Variants in ABCC4 observed in about 807,000 individuals in gnomAD.
The protein encoded by ABCC4 is ATP binding cassette subfamily C member 4 (PEL blood group), also known as ATP-binding cassette sub-family C member 4.
A neutral mutation model predicts 168.5 loss-of-function variants in ABCC4; 102 were observed. The observed-to-expected ratio is 0.61, with a 90% CI of 0.52 to 0.71. The LOEUF is 0.71. ABCC4 is among the 30% of genes least tolerant of loss of function. The pLI is 0.00. For missense variants in ABCC4, 1,402 were observed against 1,605.8 expected, an observed-to-expected ratio of 0.87 and a Z score of 2.17; for synonymous variants, 617 against 590.7, an observed-to-expected ratio of 1.04 and a Z score of -0.65.
chr13:95,241,384 C>T (rs1331199492), intron 3 of ABCC4, among the ~76,000 whole-genome samples: 1 of 150,056 alleles, frequency 6.7e-6, no homozygotes, highest in East Asian at 2.0e-4. Flanking sequence ...AAAAAATACA[C>T]ATCTCATTTC....
intron 4 of ABCC4, among the ~76,000 whole-genome samples, chr13:95,212,667 G>T (rs1019503558): frequency 5.3e-5 from 8 of 152,174 alleles, no homozygotes; most frequent in African/African-American, 1.9e-4. Flanking sequence ...CTGTGACCAG[G>T]TGTAGAGGTG....
chr13:95,177,654 A>G, intron 13 of ABCC4, 53 bp downstream of exon 13: 1 of 1,506,284 alleles, frequency 6.6e-7, no homozygotes, highest in Non-Finnish European at 9.1e-7. Flanking sequence ...TCCTGAGCCA[A>G]CTCGAAATGG....
intron 1 of ABCC4, among the ~76,000 whole-genome samples, chr13:95,293,256 G>C (rs2041446752): frequency 6.6e-6 from 1 of 151,862 alleles, no homozygotes; most frequent in African/African-American, 2.4e-5. Flanking sequence ...TACTTGGGAG[G>C]CTGCGGCAGG....
intron 29 of ABCC4, among the ~76,000 whole-genome samples, chr13:95,039,448 A>G (rs1181455868): frequency 1.3e-5 from 2 of 152,158 alleles, no homozygotes; most frequent in Admixed American, 1.3e-4. Flanking sequence ...TTGTATCTTC[A>G]TATCTTCTGT....
At chr13:95,247,918 G>GCGCACACACACACACACACACACACA (rs145006616) in intron 1 of ABCC4, among the ~76,000 whole-genome samples, 165 bp from the exon 2 acceptor site, 60 of 142,656 alleles carry the variant, frequency 4.2e-4, no homozygotes, top group African/African-American at 1.4e-3. Context: ...GTTAACATGT[G>GCGCACACACACACACACACACACACA]CACACACACA....
intron 6 of ABCC4, 107 bp downstream of exon 6, chr13:95,209,327 G>T: frequency 7.7e-7 from 1 of 1,304,252 alleles, no homozygotes; most frequent in Non-Finnish European, 1.1e-6. Flanking sequence ...ACATATGCAA[G>T]GAAGAGATAA....
intron 1 of ABCC4, among the ~76,000 whole-genome samples, chr13:95,297,914 G>A (rs1594464513): frequency 1.3e-5 from 2 of 152,044 alleles, no homozygotes; most frequent in African/African-American, 4.8e-5. Flanking sequence ...GTCTCTCTGG[G>A]CCTGATAATT....
intron 20 of ABCC4, among the ~76,000 whole-genome samples, chr13:95,086,971 C>T (rs1260700748): frequency 1.3e-5 from 2 of 152,114 alleles, no homozygotes; most frequent in Admixed American, 1.3e-4. Flanking sequence ...GTGTTCTAAG[C>T]TGTGATAAGT....
intron 14 of ABCC4, among the ~76,000 whole-genome samples, chr13:95,169,957 A>T (rs1405350141): frequency 1.3e-5 from 2 of 152,180 alleles, no homozygotes; most frequent in African/African-American, 2.4e-5. Flanking sequence ...CCCGGGTTCA[A>T]GTGATTCCCC....
At position 95,034,600 on chromosome 13, in the gene ABCC4, C is replaced by T. The variant is rs779070576; in HGVS notation, c.3870+5G>A. ...TTTAATTACAACTCCTTGGAGCACGCTCACCTGTTTTGCTGTTTCAGTGAG... is the reference window on the plus strand; with the variant it reads ...TTTAATTACAACTCCTTGGAGCACGTTCACCTGTTTTGCTGTTTCAGTGAG... On this transcript the variant is annotated splice_donor_5th_base_variant and intron_variant, in intron 30 of 30. Transcript: ENST00000645237. 1.2e-6 allele frequency: 2 copies of T among 1,611,810 alleles called. No homozygotes were observed. Among genetic ancestry groups the T allele is most frequent in the Admixed American group, 3.4e-5 (2 of 59,016 alleles).
intron 19 of ABCC4, chr13:95,148,860 C>T (rs978336517): frequency 6.6e-6 from 1 of 152,162 alleles, no homozygotes; most frequent in Non-Finnish European, 1.5e-5. Flanking sequence ...CATTTAGCTA[C>T]TTTGGTACAG....
At chr13:95,295,053 C>T (rs1333699885) in intron 1 of ABCC4, among the ~76,000 whole-genome samples, 1 of 152,116 alleles carries the variant, frequency 6.6e-6, no homozygotes, top group African/African-American at 2.4e-5. Context: ...AGGCAGTAAC[C>T]TTGGCCTCCC....
intron 20 of ABCC4, among the ~76,000 whole-genome samples, chr13:95,083,697 AT>A (rs2139334400): frequency 6.6e-6 from 1 of 151,684 alleles, no homozygotes; most frequent in African/African-American, 2.4e-5. Context: ...TAATTTTTGT[AT>A]TTTTAGTAGA....
chr13:95,217,460 G>C (rs186574933), intron 4 of ABCC4, among the ~76,000 whole-genome samples: 1 of 152,134 alleles, frequency 6.6e-6, no homozygotes, highest in African/African-American at 2.4e-5. Flanking sequence ...GGCTGGGCAC[G>C]GTGGCTCATG....
chr13:95,024,466 C>T (rs985446127), intron 30 of ABCC4, among the ~76,000 whole-genome samples: 1 of 152,152 alleles, frequency 6.6e-6, no homozygotes, highest in African/African-American at 2.4e-5. Flanking sequence ...TAAACTCTAA[C>T]TCATCAGTAA....
chr13:95,043,765 T>A lies in ABCC4; in HGVS notation c.3652A>T (p.Lys1218Ter). ...CAGTGGGCAAATTTCTCCCGGATTT[T>A]TTTTTGTATTAACTCATCAGTTCTG... ...DPRTDELIQKKIREKFAHCTV... is the reference protein window; with the variant it reads ...DPRTDELIQK The change falls in exon 29 of 31, where the codon AAA becomes TAA. Residue 1218 changes from lysine (K) to a stop codon, truncating the protein, a stop_gained. Coordinates refer to ENST00000645237, the MANE Select transcript of ABCC4 (RefSeq NM_005845.5). LOFTEE classifies it high-confidence loss of function. 1 of 1,613,950 alleles carries A rather than the reference T, an allele frequency of 6.2e-7. No homozygotes were observed. The highest frequency in any genetic ancestry group is 8.5e-7 in the Non-Finnish European group (1 of 1,179,834).
In ABCC4 at chr13:95,245,308, T is replaced by C. The variant is rs538021005; in HGVS notation, c.306+1667A>G. On this transcript the variant is annotated intron_variant, in intron 3 of 30. Coordinates refer to ENST00000645237, the MANE Select transcript of ABCC4 (RefSeq NM_005845.5). ...ATGCCTCGAAACCTATGTGAGGCCA[T>C]TGATTCCCACTACACCTAACCAGAC... Among the ~76,000 whole-genome samples, 5 of 152,336 alleles carry C rather than the reference T, an allele frequency of 3.3e-5. No individual in the cohort carries two copies. In the South Asian group the frequency reaches 6.2e-4, roughly 19 times the overall value.
intron 30 of ABCC4, among the ~76,000 whole-genome samples, chr13:95,028,598 A>T (rs11070108): frequency 0.86 from 130,344 of 152,070 alleles, 55,968 homozygotes; most frequent in East Asian, 1. Context: ...TATCAAAACC[A>T]ACAGAATACG....
intron 20 of ABCC4, among the ~76,000 whole-genome samples, chr13:95,113,741 C>T (rs1057426849): frequency 6.6e-6 from 1 of 152,040 alleles, no homozygotes; most frequent in Admixed American, 6.6e-5. Flanking sequence ...GCCCACTCAT[C>T]GAATGCAAAT....
Sources: allele counts gnomAD v4.1 joint callset (sites outside exome capture counted in the v4.1 genomes callset), GRCh38; gene constraint gnomAD v4.1.1; transcripts MANE v1.5; gene names NCBI Gene and HGNC (gene_info 2026-07-23, HGNC 2026-07-21).